ETV6: variants seen among roughly 807,000 people sequenced by gnomAD.
The protein encoded by ETV6 is ETS variant transcription factor 6, also known as transcription factor ETV6.
ETV6 carries 16 observed loss-of-function variants against 51.1 expected under a neutral mutation model. That is an observed-to-expected ratio of 0.31 (90% CI 0.21 to 0.48). ETV6 has a LOEUF of 0.48. Ranked by LOEUF, ETV6 falls within the 20% of genes least tolerant of loss-of-function variation. The pLI, the probability that ETV6 is intolerant of heterozygous loss-of-function variation, is 0.99. For missense variants in ETV6, 458 were observed against 594.8 expected, an observed-to-expected ratio of 0.77 and a Z score of 2.39; for synonymous variants, 240 against 224.1, an observed-to-expected ratio of 1.07 and a Z score of -0.64.
At chr12:11,759,342 T>G (rs1945048975) in intron 2 of ETV6, among the ~76,000 whole-genome samples, 1 of 152,086 alleles carries the variant, frequency 6.6e-6, no homozygotes, top group Admixed American at 6.6e-5. Context: ...GCACGGCCCC[T>G]CATTAGTGTC....
At chr12:11,807,593 G>A (rs1345633712) in intron 2 of ETV6, among the ~76,000 whole-genome samples, 1 of 152,152 alleles carries the variant, frequency 6.6e-6, no homozygotes, top group Non-Finnish European at 1.5e-5. Context: ...AAGGGAAAGG[G>A]CAGTCTCATA....
chr12:11,860,653 T>A (rs1946703133), intron 4 of ETV6, among the ~76,000 whole-genome samples: 1 of 152,074 alleles, frequency 6.6e-6, no homozygotes, highest in African/African-American at 2.4e-5. Context: ...ATGTTATTCA[T>A]TATCATGATT....
intron 1 of ETV6, among the ~76,000 whole-genome samples, chr12:11,718,799 T>G (rs1466054157): frequency 6.6e-6 from 1 of 151,986 alleles, no homozygotes; most frequent in Non-Finnish European, 1.5e-5. Flanking sequence ...GGTCGCACAC[T>G]CACGAAGCCA....
chr12:11,650,892 T>C (rs559036433), intron 1 of ETV6, among the ~76,000 whole-genome samples: 38 of 152,344 alleles, frequency 2.5e-4, no homozygotes, highest in Admixed American at 7.2e-4. Flanking sequence ...AATGACCTTC[T>C]GTGTTTGACA....
At chr12:11,854,322 C>T (rs550482753) in intron 4 of ETV6, among the ~76,000 whole-genome samples, 2 of 152,284 alleles carry the variant, frequency 1.3e-5, no homozygotes, top group South Asian at 4.2e-4. Flanking sequence ...CACTCACTTG[C>T]CCCCACCGCT....
intron 1 of ETV6, among the ~76,000 whole-genome samples, chr12:11,705,372 T>G (rs1361215692): frequency 6.6e-6 from 1 of 151,864 alleles, no homozygotes; most frequent in Non-Finnish European, 1.5e-5. Context: ...TCTGGAGGGG[T>G]GTGTGTGTTT....
intron 2 of ETV6, among the ~76,000 whole-genome samples, chr12:11,822,115 C>T (rs918583234): frequency 2.6e-5 from 4 of 152,144 alleles, no homozygotes; most frequent in African/African-American, 7.2e-5. Flanking sequence ...CCTTCCAGAC[C>T]GCAAAATCCA....
chr12:11,815,430 G>A (rs972392218), intron 2 of ETV6, among the ~76,000 whole-genome samples: 6 of 152,324 alleles, frequency 3.9e-5, no homozygotes, highest in South Asian at 2.1e-4. Context: ...ACACCGACCC[G>A]TGGTGCCACC....
intron 2 of ETV6, among the ~76,000 whole-genome samples, chr12:11,760,430 G>A (rs929923375): frequency 6.6e-6 from 1 of 152,188 alleles, no homozygotes; most frequent in African/African-American, 2.4e-5. Flanking sequence ...GGGCTACGCA[G>A]TGAATACCCT....
intron 4 of ETV6, among the ~76,000 whole-genome samples, chr12:11,858,605 A>C (rs1194100960): frequency 4.6e-5 from 7 of 152,168 alleles, no homozygotes; most frequent in Non-Finnish European, 1.0e-4. Flanking sequence ...AAACGTTCTC[A>C]TCCCATCACC....
chr12:11,736,483 C>T (rs534566266), intron 1 of ETV6, among the ~76,000 whole-genome samples: 9 of 152,264 alleles, frequency 5.9e-5, no homozygotes, highest in East Asian at 1.9e-4. Flanking sequence ...GTACAAGAAA[C>T]GGCAATATAC....
chr12:11,801,361 A>G (rs986469745), intron 2 of ETV6, among the ~76,000 whole-genome samples: 2 of 152,198 alleles, frequency 1.3e-5, no homozygotes, highest in African/African-American at 4.8e-5. Context: ...CGTGTTTCCT[A>G]TGGCTGGAAT....
rs1565574203 is a variant in ETV6, at chr12:11,894,578, T to G, written c.*3532T>G. On this transcript the variant is annotated 3_prime_UTR_variant, in exon 8 of 8. Transcript: ENST00000396373. Reference sequence around the variant, plus strand: ...TTTGGAACCCTCTGATCCAATGTCTTTTGATACTGATCTCTTGTCCAAATG... The same window carrying G: ...TTTGGAACCCTCTGATCCAATGTCTGTTGATACTGATCTCTTGTCCAAATG... 4.3e-6 allele frequency: 1 copy of G among 233,134 alleles called. No individual in the cohort carries two copies. Among genetic ancestry groups the G allele is most frequent in the African/African-American group, 2.2e-5 (1 of 45,354 alleles). The allele number at this position is 233,134 out of a possible 1,614,324, so 14.4% of individuals were successfully genotyped here. A position where few individuals can be genotyped will look rare whatever the true frequency, so the allele number is the denominator to read the frequency against.
At chr12:11,815,606 G>A (rs1440856395) in intron 2 of ETV6, among the ~76,000 whole-genome samples, 1 of 148,254 alleles carries the variant, frequency 6.7e-6, no homozygotes, top group East Asian at 1.9e-4. Context: ...CCATGCAGCT[G>A]ACTCACCTGG....
At position 11,768,968 on chromosome 12, in the gene ETV6, A is replaced by G. The variant is rs58648029; in HGVS notation, c.163+16389A>G. Reference sequence around the variant, plus strand: ...GAAAATTCAAATCTTGTTCTGTTTAACAAGGATTGATTGAAGAACCCGTAG... The same window carrying G: ...GAAAATTCAAATCTTGTTCTGTTTAGCAAGGATTGATTGAAGAACCCGTAG... On this transcript the variant is annotated intron_variant, in intron 2 of 7. Coordinates refer to ENST00000396373, the MANE Select transcript of ETV6 (RefSeq NM_001987.5). The G allele has an allele frequency of 5.0e-3, 2,423 of 480,874 alleles. 54 individuals are homozygous for G. Among genetic ancestry groups the G allele is most frequent in the African/African-American group, 0.043 (2,215 of 51,482 alleles). 29.8% of individuals were successfully genotyped at this position (480,874 alleles called of 1,614,324 possible).
intron 1 of ETV6, among the ~76,000 whole-genome samples, chr12:11,679,866 C>T (rs1326103895): frequency 1.3e-5 from 2 of 152,188 alleles, no homozygotes; most frequent in Admixed American, 6.5e-5. Context: ...TATTCATCCT[C>T]TGTGTTCACA....
rs1199846626 is a variant in ETV6, at chr12:11,859,118, GGTTTTTTTTTTTTT to G, written c.463+5558_463+5571del. ...TAAAGAAGATGAGGTATATGAATCTGGTTTTTTTTTTTTTTTTTTTTTTTTTTTTTTTTTTTTTT... is the reference window on the plus strand; with the variant it reads ...TAAAGAAGATGAGGTATATGAATCTGTTTTTTTTTTTTTTTTTTTTTTTTT... On this transcript the variant is annotated intron_variant, in intron 4 of 7. Transcript: ENST00000396373. Among the ~76,000 whole-genome samples the G allele has an allele frequency of 3.7e-3, 154 of 41,784 alleles. 33 individuals are homozygous for G. Among genetic ancestry groups the G allele is most frequent in the East Asian group, 0.03 (40 of 1,316 alleles). The allele number at this position is 41,784 out of a possible 152,430, so 27.4% of individuals were successfully genotyped here.
At chr12:11,856,493 G>A (rs1946634840) in intron 4 of ETV6, among the ~76,000 whole-genome samples, 1 of 152,218 alleles carries the variant, frequency 6.6e-6, no homozygotes, top group South Asian at 2.1e-4. Context: ...AAGGAGAGAA[G>A]TGTAGGTCTT....
intron 4 of ETV6, among the ~76,000 whole-genome samples, chr12:11,856,087 C>T (rs1304297549): frequency 1.3e-5 from 2 of 152,118 alleles, no homozygotes; most frequent in East Asian, 3.9e-4. Flanking sequence ...GTCTCTCCTC[C>T]TCACAGATCC....
Sources: allele counts gnomAD v4.1 joint callset (sites outside exome capture counted in the v4.1 genomes callset), GRCh38; gene constraint gnomAD v4.1.1; transcripts MANE v1.5; gene names NCBI Gene and HGNC (gene_info 2026-07-23, HGNC 2026-07-21).